MKLN1: variants seen among roughly 807,000 people sequenced by gnomAD.
MKLN1 encodes muskelin.
Under a neutral mutation model 99.0 loss-of-function variants are expected in MKLN1, and 18 were observed. That is an observed-to-expected ratio of 0.18 (90% CI 0.13 to 0.27). MKLN1 has a LOEUF of 0.27. MKLN1 is among the 10% of genes least tolerant of loss of function. MKLN1 has a pLI of 1.00. For missense variants in MKLN1, 621 were observed against 875.9 expected (o/e 0.71, Z 3.67); for synonymous variants, 288 against 293.2 (o/e 0.98, Z 0.18).
In MKLN1 at chr7:131,239,984, C is replaced by A. The variant is rs573928466; in HGVS notation, c.-179+37010C>A. 3.9e-5 allele frequency among the ~76,000 whole-genome samples: 6 copies of A among 152,236 alleles called. No homozygotes were observed. In the South Asian group the frequency reaches 1.2e-3, roughly 32 times the overall value. On this transcript the variant is annotated intron_variant, in intron 3 of 7. Coordinates refer to the MKLN1 transcript ENST00000416992. Reference sequence around the variant, plus strand: ...ATCACTCGAGACCAGGAGTTCGAGACCAGCCTGGGCAACATAGTGAGACCC... The same window carrying A: ...ATCACTCGAGACCAGGAGTTCGAGAACAGCCTGGGCAACATAGTGAGACCC...
rs369279614 is a variant in MKLN1 at position 131,429,037 on chromosome 7, T to G, written c.852T>G (p.Thr284=). ...ATATTTTTCTGATTTTCATAGAGAC[T>G]GTTTATTTGTTTGGTGGCTGGGATG... The part of the protein sequence containing the change: ...HQMVIDVQTE[T]VYLFGGWDGT... The change falls in exon 9 of 18, where the codon ACT becomes ACG. Residue 284 remains threonine (T), a synonymous_variant. Transcript: ENST00000352689. The G allele has an allele frequency of 1.2e-6, 2 of 1,612,706 alleles. No homozygotes were observed. The highest frequency in any genetic ancestry group is 8.5e-7 in the Non-Finnish European group (1 of 1,179,014).
At chr7:131,327,063 G>C (rs1798906750), upstream of MKLN1, 1 of 152,220 alleles carries the variant, frequency 6.6e-6, no homozygotes, top group Non-Finnish European at 1.5e-5. Flanking sequence ...TGTCCACATA[G>C]TTTTCAGGGC....
intron 3 of MKLN1, among the ~76,000 whole-genome samples, chr7:131,233,858 A>G (rs1797277561): frequency 6.6e-6 from 1 of 152,170 alleles, no homozygotes; most frequent in Non-Finnish European, 1.5e-5. Flanking sequence ...ATCATAGTAA[A>G]AACACATACC....
chr7:131,365,257 C>T (rs1410733274), intron 1 of MKLN1, among the ~76,000 whole-genome samples: 1 of 152,070 alleles, frequency 6.6e-6, no homozygotes, highest in Non-Finnish European at 1.5e-5. Flanking sequence ...TGTATGTTTT[C>T]TTTCAAAAGT....
Position 131,444,760 on chromosome 7 carries a change from AAGAAGT to A in MKLN1, c.1396-1011_1396-1006del, listed in dbSNP as rs1190353464. ...GTAGTAGTAGTAGTAGTAGTAGTAG[AAGAAGT>A]AGTAGTAGTAGTAGTAGTAGTAGTA... is the stretch of plus-strand genomic sequence containing the variant. On this transcript the variant is annotated intron_variant, in intron 11 of 17. Transcript: ENST00000352689. 1.1e-4 allele frequency among the ~76,000 whole-genome samples: 6 copies of A among 56,354 alleles called. No individual in the cohort carries two copies. The South Asian group carries it at 1.8e-3, about 17-fold the overall frequency. 37.0% of individuals were successfully genotyped at this position (56,354 alleles called of 152,430 possible).
intron 3 of MKLN1, among the ~76,000 whole-genome samples, chr7:131,233,867 C>A (rs970443663): frequency 3.3e-5 from 5 of 151,958 alleles, no homozygotes; most frequent in Admixed American, 3.3e-4. Context: ...AAAACACATA[C>A]CAGAGTTATG....
chr7:131,116,294 C>G (rs903300856), intron 1 of MKLN1, among the ~76,000 whole-genome samples: 3 of 151,894 alleles, frequency 2.0e-5, no homozygotes, highest in Non-Finnish European at 4.4e-5. Flanking sequence ...ATTGGAATGG[C>G]TAGTGGTGAT....
chr7:131,352,887 C>T lies in MKLN1; in HGVS notation c.99-22537C>T, dbSNP rs115838108. Among the ~76,000 whole-genome samples, 881 of 152,262 alleles carry T rather than the reference C, an allele frequency of 5.8e-3. 8 individuals are homozygous for T. Among genetic ancestry groups the T allele is most frequent in the African/African-American group, 0.021 (854 of 41,560 alleles). On this transcript the variant is annotated intron_variant, in intron 1 of 17. Transcript: ENST00000352689. ...GCATGGTTTCAGATTTTAAACTATG[C>T]AGCTTCCACCTCTGTCCCTTCAACA...
chr7:131,353,228 A>G (rs1439943216), intron 1 of MKLN1, among the ~76,000 whole-genome samples: 1 of 152,098 alleles, frequency 6.6e-6, no homozygotes. Context: ...CCCATCAACA[A>G]TGTATGAGGG....
chr7:131,268,365 A>T (rs1341235276), intron 3 of MKLN1, among the ~76,000 whole-genome samples: 4 of 152,168 alleles, frequency 2.6e-5, no homozygotes, highest in African/African-American at 9.7e-5. Context: ...AGTTGGGCAA[A>T]GGGGTTGTAT....
At chr7:131,276,182 C>T (rs1797972527) in intron 3 of MKLN1, among the ~76,000 whole-genome samples, 1 of 152,178 alleles carries the variant, frequency 6.6e-6, no homozygotes, top group South Asian at 2.1e-4. Flanking sequence ...GTCCCCCTCT[C>T]CTTTATTCTG....
At chr7:131,390,803 C>G (rs1460704264) in intron 4 of MKLN1, among the ~76,000 whole-genome samples, 1 of 152,056 alleles carries the variant, frequency 6.6e-6, no homozygotes, top group Non-Finnish European at 1.5e-5. Flanking sequence ...TTTACCCTTT[C>G]ACCAACAGCC....
chr7:131,300,048 T>C (rs2116617349), intron 3 of MKLN1, among the ~76,000 whole-genome samples: 1 of 152,224 alleles, frequency 6.6e-6, no homozygotes, highest in Non-Finnish European at 1.5e-5. Flanking sequence ...GGGTTAATAA[T>C]TATAACTATC....
chr7:131,483,233 C>A (rs1040322983), intron 17 of MKLN1, among the ~76,000 whole-genome samples: 12 of 152,140 alleles, frequency 7.9e-5, no homozygotes, highest in Admixed American at 5.9e-4. Flanking sequence ...TAGATCCCCA[C>A]CCCTTTTTAA....
intron 1 of MKLN1, 40 bp downstream of exon 1, chr7:131,328,037 C>T (rs951054369): frequency 6.2e-7 from 1 of 1,603,400 alleles, no homozygotes; most frequent in Non-Finnish European, 8.5e-7. Flanking sequence ...CCCACCCTTC[C>T]GCGTCAGCAC....
Position 131,192,171 on chromosome 7 carries a change from A to ACTGT in MKLN1, c.-296-10686_-296-10685insCTGT, listed in dbSNP as rs1157810304. 2.1e-4 allele frequency among the ~76,000 whole-genome samples: 19 copies of ACTGT among 91,684 alleles called. 4 individuals are homozygous for ACTGT. Among genetic ancestry groups the ACTGT allele is most frequent in the African/African-American group, 9.2e-4 (19 of 20,764 alleles). The allele number at this position is 91,684 out of a possible 152,430, so 60.1% of individuals were successfully genotyped here. On this transcript the variant is annotated intron_variant, in intron 2 of 7. Coordinates refer to the MKLN1 transcript ENST00000416992. ...TATATATACATATATACTTATGTAT[A>ACTGT]ATATATAAAAATATATAAAATATAA... is the stretch of plus-strand genomic sequence containing the variant.
chr7:131,347,537 C>T (rs1336909923), intron 1 of MKLN1, among the ~76,000 whole-genome samples: 1 of 152,156 alleles, frequency 6.6e-6, no homozygotes, highest in East Asian at 1.9e-4. Context: ...GCTGCGATGA[C>T]TCCTGCCCCC....
chr7:131,161,961 GTGTATATATATATATATATATA>G (rs1447975510), intron 2 of MKLN1, among the ~76,000 whole-genome samples: 3 of 81,070 alleles, frequency 3.7e-5, no homozygotes, highest in African/African-American at 6.2e-5. Flanking sequence ...GTGTGTGTGT[GTGTATATATATATATATATATA>G]TATATATATA....
chr7:131,197,322 G>A (rs986828426), intron 2 of MKLN1, among the ~76,000 whole-genome samples: 9 of 151,384 alleles, frequency 5.9e-5, no homozygotes, highest in Non-Finnish European at 1.2e-4. Context: ...TCCCACTTCA[G>A]CCCCCTGAAT....
Sources: gnomAD v4.1 joint callset for allele counts (sites outside exome capture counted in the v4.1 genomes callset) on GRCh38, gnomAD v4.1.1 for gene constraint, MANE v1.5 for transcripts, NCBI Gene and HGNC (gene_info 2026-07-23, HGNC 2026-07-21) for gene names.